SLC25A13: variants seen among roughly 807,000 people sequenced by gnomAD.
SLC25A13 encodes electrogenic aspartate/glutamate antiporter SLC25A13, mitochondrial.
In SLC25A13, 70 loss-of-function variants were observed where a neutral mutation model predicts 85.5. That is an observed-to-expected ratio of 0.82 (90% CI 0.68 to 1.00). The LOEUF is 1.00. Among genes scored for constraint, SLC25A13 ranks in the 50% least tolerant of loss-of-function variants. SLC25A13 has a pLI of 0.00. For missense variants in SLC25A13, 765 were observed against 819.8 expected, an observed-to-expected ratio of 0.93 and a Z score of 0.82; for synonymous variants, 259 against 288.7, an observed-to-expected ratio of 0.90 and a Z score of 1.04.
At chr7:96,133,009 A>G (rs1792100863) in intron 14 of SLC25A13, among the ~76,000 whole-genome samples, 1 of 152,190 alleles carries the variant, frequency 6.6e-6, no homozygotes, top group African/African-American at 2.4e-5. Flanking sequence ...TTTTCATATG[A>G]ATTACTATTA....
chr7:96,268,243 A>G (rs903138564), intron 3 of SLC25A13, among the ~76,000 whole-genome samples: 4 of 152,240 alleles, frequency 2.6e-5, no homozygotes, highest in African/African-American at 9.6e-5. Context: ...AACAACAAAT[A>G]GAACGTGTGC....
chr7:96,171,703 C>T (rs572114737), intron 11 of SLC25A13, among the ~76,000 whole-genome samples, 179 bp from the exon 12 acceptor site: 1 of 152,306 alleles, frequency 6.6e-6, no homozygotes, highest in East Asian at 1.9e-4. Context: ...CTAACAGCCG[C>T]ATCAGTCCCA....
At chr7:96,275,702 C>A (rs1798421444) in intron 3 of SLC25A13, among the ~76,000 whole-genome samples, 1 of 151,486 alleles carries the variant, frequency 6.6e-6, no homozygotes, top group Non-Finnish European at 1.5e-5. Flanking sequence ...CACATGGACA[C>A]AGGAAGGGGA....
chr7:96,269,524 C>G (rs762317915), intron 3 of SLC25A13, among the ~76,000 whole-genome samples: 8 of 152,112 alleles, frequency 5.3e-5, no homozygotes, highest in Non-Finnish European at 1.0e-4. Flanking sequence ...TGGCCCTTGG[C>G]AAAGAAAATT....
In SLC25A13 at chr7:96,239,856, G is replaced by A. The variant is rs867674021; in HGVS notation, c.213-4939C>T. 2.4e-4 allele frequency among the ~76,000 whole-genome samples: 37 copies of A among 152,216 alleles called. 1 individual carries two copies. Among genetic ancestry groups the A allele is most frequent in the Admixed American group, 1.8e-3 (28 of 15,298 alleles). The stretch of plus-strand genomic sequence containing the variant: ...TCTGGAAGCCATTTATAACAGTAGC[G>A]ACTTTGTAACTCCTTTATAGTCCAA... On this transcript the variant is annotated intron_variant, in intron 3 of 17. Coordinates refer to ENST00000265631, the MANE Select transcript of SLC25A13 (RefSeq NM_014251.3).
At chr7:96,144,029 A>G (rs1792675024) in intron 14 of SLC25A13, among the ~76,000 whole-genome samples, 1 of 152,204 alleles carries the variant, frequency 6.6e-6, no homozygotes, top group African/African-American at 2.4e-5. Context: ...CTAGCCAACC[A>G]GGACTAGAAA....
chr7:96,307,049 C>A (rs917330973), intron 1 of SLC25A13, among the ~76,000 whole-genome samples: 1 of 152,052 alleles, frequency 6.6e-6, no homozygotes, highest in African/African-American at 2.4e-5. Flanking sequence ...AGCCTCTCTC[C>A]CTATGGGCCA....
At chr7:96,312,902 G>T (rs1016458646) in intron 1 of SLC25A13, among the ~76,000 whole-genome samples, 2 of 152,166 alleles carry the variant, frequency 1.3e-5, no homozygotes, top group African/African-American at 2.4e-5. Flanking sequence ...CCGTAGAAGG[G>T]TTTCACTGAT....
At chr7:96,292,219 A>T (rs2116982640) in intron 2 of SLC25A13, among the ~76,000 whole-genome samples, 1 of 152,356 alleles carries the variant, frequency 6.6e-6, no homozygotes. Flanking sequence ...GCCTTTGATA[A>T]ACTTCAACAG....
At chr7:96,141,276 G>A (rs1468936968) in intron 14 of SLC25A13, among the ~76,000 whole-genome samples, 1 of 151,954 alleles carries the variant, frequency 6.6e-6, no homozygotes, top group African/African-American at 2.4e-5. Flanking sequence ...GATTGCCCTG[G>A]CCTCCTGAAA....
intron 14 of SLC25A13, among the ~76,000 whole-genome samples, chr7:96,141,417 T>A (rs535358432): frequency 6.6e-6 from 1 of 152,342 alleles, no homozygotes; most frequent in Admixed American, 6.5e-5. Flanking sequence ...GCTGGAACAG[T>A]GCCTGGCACA....
intron 2 of SLC25A13, among the ~76,000 whole-genome samples, chr7:96,295,573 T>G (rs1799314035): frequency 1.3e-5 from 2 of 152,268 alleles, no homozygotes; most frequent in Admixed American, 6.5e-5. Context: ...GACTCTATAT[T>G]TCCCATAATG....
rs1797212626 is a variant in SLC25A13, at chr7:96,246,924, C to G, written c.213-12007G>C. On this transcript the variant is annotated intron_variant, in intron 3 of 17. Coordinates refer to ENST00000265631, the MANE Select transcript of SLC25A13 (RefSeq NM_014251.3). ...AATTTTTACATGTTAATTAAACCAG[C>G]TATTTTCTTCTTATTGTATTTTTGC... Among the ~76,000 whole-genome samples the G allele has an allele frequency of 2.0e-5, 3 of 152,210 alleles. No homozygotes were observed. The South Asian group carries it at 6.2e-4, about 31-fold the overall frequency.
chr7:96,189,117 C>T (rs1001178632), intron 9 of SLC25A13, among the ~76,000 whole-genome samples, 177 bp downstream of exon 9: 5 of 152,220 alleles, frequency 3.3e-5, no homozygotes, highest in Admixed American at 6.5e-5. Flanking sequence ...ACCTGTTTAT[C>T]ACACCATTTC....
At chr7:96,319,814 A>G (rs181381998) in intron 1 of SLC25A13, among the ~76,000 whole-genome samples, 4 of 152,306 alleles carry the variant, frequency 2.6e-5, no homozygotes, top group Admixed American at 2.6e-4. Context: ...TATCACAGAA[A>G]GAGGTGAGTG....
At chr7:96,188,970 C>T (rs529983441) in intron 9 of SLC25A13, among the ~76,000 whole-genome samples, 1 of 152,316 alleles carries the variant, frequency 6.6e-6, no homozygotes, top group South Asian at 2.1e-4. Flanking sequence ...GACACCAACA[C>T]GGGATTCTTT....
intron 3 of SLC25A13, among the ~76,000 whole-genome samples, chr7:96,267,800 C>CAAA (rs551752880): frequency 2.4e-5 from 3 of 122,474 alleles, no homozygotes; most frequent in South Asian, 2.9e-4. Flanking sequence ...GACTCTGTCT[C>CAAA]AAAAAAAAAA....
At chr7:96,233,290 A>G (rs1242785056) in intron 4 of SLC25A13, among the ~76,000 whole-genome samples, 1 of 152,224 alleles carries the variant, frequency 6.6e-6, no homozygotes, top group African/African-American at 2.4e-5. Flanking sequence ...GCTTCCATTG[A>G]GTAAATCAAT....
chr7:96,206,654 T>C (rs1049442554), intron 5 of SLC25A13, among the ~76,000 whole-genome samples: 5 of 152,216 alleles, frequency 3.3e-5, no homozygotes, highest in Non-Finnish European at 7.3e-5. Context: ...TCAGTACTTC[T>C]ATTCTGGCTA....
Sources: gnomAD v4.1 joint callset for allele counts (sites outside exome capture counted in the v4.1 genomes callset) on GRCh38, gnomAD v4.1.1 for gene constraint, MANE v1.5 for transcripts, NCBI Gene and HGNC (gene_info 2026-07-23, HGNC 2026-07-21) for gene names.